The following SLC35F3 variants were observed in gnomAD, a reference collection of about 807,000 sequenced individuals.
The protein encoded by SLC35F3 is putative thiamine transporter SLC35F3.
SLC35F3 carries 25 observed loss-of-function variants against 49.9 expected under a neutral mutation model. The ratio of observed to expected loss-of-function variants is 0.50; its 90% confidence interval spans 0.37 to 0.70. The LOEUF (loss-of-function observed/expected upper bound fraction) is 0.70, where lower values mean the gene tolerates loss of function less well. Among genes scored for constraint, SLC35F3 ranks in the 30% least tolerant of loss-of-function variants. The pLI is 0.00. For synonymous variants in SLC35F3, 275 were observed against 265.4 expected (o/e 1.04, Z -0.35); for missense variants, 525 against 639.8 (o/e 0.82, Z 1.94).
intron 2 of SLC35F3, among the ~76,000 whole-genome samples, chr1:234,178,525 C>T (rs1186168858): frequency 6.6e-6 from 1 of 152,088 alleles, no homozygotes; most frequent in Non-Finnish European, 1.5e-5. Flanking sequence ...CAGAAAGTTC[C>T]CATATAACCC....
At chr1:234,242,959 A>G (rs6659582) in intron 3 of SLC35F3, among the ~76,000 whole-genome samples, 1 of 152,170 alleles carries the variant, frequency 6.6e-6, no homozygotes, top group African/African-American at 2.4e-5. Flanking sequence ...AAAGACTTTA[A>G]GTGTTTCACC....
intron 2 of SLC35F3, among the ~76,000 whole-genome samples, chr1:233,954,191 A>G (rs1285898891): frequency 2.0e-5 from 3 of 152,136 alleles, no homozygotes; most frequent in African/African-American, 7.2e-5. Context: ...TATTTTTAGT[A>G]GAGATGATAT....
At chr1:233,974,838 A>T (rs1663053345) in intron 2 of SLC35F3, among the ~76,000 whole-genome samples, 1 of 152,266 alleles carries the variant, frequency 6.6e-6, no homozygotes, top group South Asian at 2.1e-4. Flanking sequence ...CAAGAGATGT[A>T]GACCTTGATT....
chr1:234,240,346 T>C (rs903794740), intron 3 of SLC35F3, among the ~76,000 whole-genome samples: 1 of 152,148 alleles, frequency 6.6e-6, no homozygotes, highest in African/African-American at 2.4e-5. Flanking sequence ...GGCATATGCC[T>C]GTAGTCCCAG....
intron 3 of SLC35F3, among the ~76,000 whole-genome samples, chr1:234,296,594 C>T (rs1668596723): frequency 6.6e-6 from 1 of 152,202 alleles, no homozygotes; most frequent in African/African-American, 2.4e-5. Context: ...TCCATCTTCA[C>T]CTTTGTCATA....
At chr1:234,232,534 A>AAG (rs1553317267) in intron 3 of SLC35F3, among the ~76,000 whole-genome samples, 7 of 150,986 alleles carry the variant, frequency 4.6e-5, no homozygotes, top group African/African-American at 7.3e-5. Flanking sequence ...AAAAAAAAAA[A>AAG]AAAAAAGAAA....
intron 2 of SLC35F3, among the ~76,000 whole-genome samples, chr1:234,055,533 C>T (rs528686937): frequency 5.3e-5 from 8 of 152,286 alleles, no homozygotes; most frequent in South Asian, 4.1e-4. Flanking sequence ...GGGAGTTTCC[C>T]GATTTTCCTG....
intron 3 of SLC35F3, among the ~76,000 whole-genome samples, chr1:234,297,967 G>A (rs1413352391): frequency 6.6e-6 from 1 of 152,108 alleles, no homozygotes; most frequent in Non-Finnish European, 1.5e-5. Context: ...CTTATGTTAA[G>A]TGTTCTTAAC....
At chr1:234,099,289 C>CT (rs1361429398) in intron 2 of SLC35F3, among the ~76,000 whole-genome samples, 7 of 152,082 alleles carry the variant, frequency 4.6e-5, no homozygotes, top group Non-Finnish European at 1.0e-4. Context: ...TTTGGTTCTT[C>CT]TTGAGACAAA....
chr1:234,255,898 C>G (rs1344063546), intron 3 of SLC35F3, among the ~76,000 whole-genome samples: 1 of 151,972 alleles, frequency 6.6e-6, no homozygotes, highest in African/African-American at 2.4e-5. Flanking sequence ...AACCAAAAAC[C>G]CTACAAATCC....
At chr1:234,248,334 G>A (rs374911909) in intron 3 of SLC35F3, among the ~76,000 whole-genome samples, 1 of 140,906 alleles carries the variant, frequency 7.1e-6, no homozygotes, top group Non-Finnish European at 1.5e-5. Flanking sequence ...TTGGTTGGCT[G>A]GTCCATTGTT....
intron 2 of SLC35F3, among the ~76,000 whole-genome samples, chr1:233,993,561 G>A (rs1572012118): frequency 6.6e-6 from 1 of 152,106 alleles, no homozygotes. Flanking sequence ...AGTGCTAAGG[G>A]CCCATTGAGG....
At chr1:234,155,395 G>GATTATTATTATTATT (rs71583784) in intron 2 of SLC35F3, among the ~76,000 whole-genome samples, 40 of 149,292 alleles carry the variant, frequency 2.7e-4, no homozygotes, top group African/African-American at 9.7e-4. Context: ...CTATTCACCT[G>GATTATTATTATTATT]ATTATTATTA....
At chr1:233,914,392 C>T (rs1661934227) in intron 2 of SLC35F3, among the ~76,000 whole-genome samples, 1 of 152,144 alleles carries the variant, frequency 6.6e-6, no homozygotes, top group Non-Finnish European at 1.5e-5. Context: ...ATGCTGGGGC[C>T]TGTTTCCCTC....
Position 234,269,442 on chromosome 1 carries a change from A to G in SLC35F3, c.608+37701A>G, listed in dbSNP as rs371897370. 2.6e-5 allele frequency among the ~76,000 whole-genome samples: 4 copies of G among 152,332 alleles called. No individual in the cohort carries two copies. The East Asian group carries it at 5.8e-4, about 22-fold the overall frequency. On this transcript the variant is annotated intron_variant, in intron 3 of 7. Coordinates refer to ENST00000366618, the MANE Select transcript of SLC35F3 (RefSeq NM_173508.4). ...CAGGGCTAATTTATGCTAAGTTGAC[A>G]AAAGTACCTATTTTGGTCACTGTCC...
At position 234,188,237 on chromosome 1, in the gene SLC35F3, C is replaced by CAAA. The variant is rs112150679; in HGVS notation, c.284-43167_284-43165dup. 3.8e-3 allele frequency among the ~76,000 whole-genome samples: 454 copies of CAAA among 119,300 alleles called. 2 individuals are homozygous for CAAA. The highest frequency in any genetic ancestry group is 0.02 in the South Asian group (74 of 3,624). The allele number at this position is 119,300 out of a possible 152,430, so 78.3% of individuals were successfully genotyped here. On this transcript the variant is annotated intron_variant, in intron 2 of 7. Coordinates refer to ENST00000366618, the MANE Select transcript of SLC35F3 (RefSeq NM_173508.4). ...GGGCAACAAGAGCGAAACTCCGCCT[C>CAAA]AAAAAAAAAAAAAAAGTCCTGCTTG...
At chr1:234,286,538 T>G (rs1176212810) in intron 3 of SLC35F3, among the ~76,000 whole-genome samples, 1 of 152,226 alleles carries the variant, frequency 6.6e-6, no homozygotes, top group Non-Finnish European at 1.5e-5. Context: ...TAATTTGAAT[T>G]AAGGATATGA....
chr1:234,154,864 A>C (rs577410748), intron 2 of SLC35F3, among the ~76,000 whole-genome samples: 2 of 152,240 alleles, frequency 1.3e-5, no homozygotes, highest in Non-Finnish European at 2.9e-5. Flanking sequence ...GACAAAAGAA[A>C]TCCACCAGGG....
chr1:234,066,520 T>C (rs139494234), intron 2 of SLC35F3, among the ~76,000 whole-genome samples: 254 of 152,248 alleles, frequency 1.7e-3, no homozygotes, highest in Middle Eastern at 3.4e-3. Context: ...GAGGTAGGAA[T>C]GGGAGGACGC....
Sources: allele counts gnomAD v4.1 joint callset (sites outside exome capture counted in the v4.1 genomes callset), GRCh38; gene constraint gnomAD v4.1.1; transcripts MANE v1.5; gene names NCBI Gene and HGNC (gene_info 2026-07-23, HGNC 2026-07-21).